ASH1L: variants seen among roughly 807,000 people sequenced by gnomAD.
ASH1L encodes the protein histone-lysine N-methyltransferase ASH1L.
In ASH1L, 23 loss-of-function variants were observed where a neutral mutation model predicts 269.0. The observed-to-expected ratio is 0.09, with a 90% CI of 0.06 to 0.12. The LOEUF is 0.12. Among genes scored for constraint, ASH1L ranks in the 10% least tolerant of loss-of-function variants. The pLI, the probability that ASH1L is intolerant of heterozygous loss-of-function variation, is 1.00. For synonymous variants in ASH1L, 1,187 were observed against 1,253.5 expected (o/e 0.95, Z 1.12); for missense variants, 2,912 against 3,567.8 (o/e 0.82, Z 4.68).
intron 1 of ASH1L, 71 bp downstream of exon 1, chr1:155,562,082 C>T (rs753141507): frequency 1.9e-5 from 20 of 1,052,350 alleles, no homozygotes; most frequent in Non-Finnish European, 2.7e-5. Flanking sequence ...ACAGTGGCTC[C>T]CAGAAAGCCC....
At chr1:155,408,631 T>C (rs1407927040) in intron 6 of ASH1L, among the ~76,000 whole-genome samples, 1 of 152,070 alleles carries the variant, frequency 6.6e-6, no homozygotes, top group African/African-American at 2.4e-5. Flanking sequence ...TCTGAAGACA[T>C]GTATAAAGGA....
At chr1:155,355,659 A>G (rs1654314080) in intron 15 of ASH1L, among the ~76,000 whole-genome samples, 1 of 152,168 alleles carries the variant, frequency 6.6e-6, no homozygotes, top group South Asian at 2.1e-4. Context: ...TCCCCATGCT[A>G]ATAGGCAGCC....
At chr1:155,345,489 G>A (rs966115555) in intron 21 of ASH1L, among the ~76,000 whole-genome samples, 5 of 151,124 alleles carry the variant, frequency 3.3e-5, no homozygotes, top group Non-Finnish European at 7.4e-5. Context: ...GGCCGAGGAT[G>A]GTCTTTATCT....
Position 155,481,056 on chromosome 1 carries a change from G to T in ASH1L, c.1814C>A (p.Thr605Asn), listed in dbSNP as rs757492151. 6.2e-7 allele frequency: 1 copy of T among 1,613,968 alleles called. No individual in the cohort carries two copies. Among genetic ancestry groups the T allele is most frequent in the African/African-American group, 1.3e-5 (1 of 74,924 alleles). The change falls in exon 3 of 28, where the codon ACT (threonine) becomes AAT (asparagine). Residue 605 changes from threonine to asparagine, a missense_variant. Coordinates refer to ENST00000392403, the MANE Select transcript of ASH1L (RefSeq NM_018489.3). ...ISESVGKNQF[T>N]SESTHLNVGH... ...AACGTTCAAGTGGGTACTTTCAGAA[G>T]TAAACTGGTTCTTTCCAACAGATTC... is the stretch of plus-strand genomic sequence containing the variant.
intron 7 of ASH1L, among the ~76,000 whole-genome samples, chr1:155,384,409 C>G (rs1657236271): frequency 6.6e-6 from 1 of 152,146 alleles, no homozygotes; most frequent in Admixed American, 6.5e-5. Context: ...GATGAGAAAT[C>G]TACTGTCATT....
Position 155,390,643 on chromosome 1 carries a change from C to A in ASH1L, c.6103+4816G>T, listed in dbSNP as rs539986547. ...AGTTAATATCATTCTCCCCCCCCCC[C>A]CTTTTTTCTTTCTTTTTTTTGAGAC... On this transcript the variant is annotated intron_variant, in intron 7 of 27. Transcript: ENST00000392403. 2.7e-4 allele frequency among the ~76,000 whole-genome samples: 37 copies of A among 135,430 alleles called. 1 individual carries two copies. The South Asian group carries it at 9.3e-3, about 34-fold the overall frequency. 88.8% of individuals were successfully genotyped at this position (135,430 alleles called of 152,430 possible).
intron 6 of ASH1L, among the ~76,000 whole-genome samples, chr1:155,412,231 G>A (rs143690233): frequency 0.01 from 1,498 of 146,766 alleles, 27 homozygotes; most frequent in African/African-American, 0.036. Flanking sequence ...AACAGAGCAC[G>A]ACTCCGTCTC....
intron 4 of ASH1L, chr1:155,440,417 T>C (rs1662460143): frequency 5.3e-6 from 1 of 190,196 alleles, no homozygotes; most frequent in Non-Finnish European, 9.7e-6. Flanking sequence ...TATCCTTTGA[T>C]TAACTTTCAA....
intron 6 of ASH1L, among the ~76,000 whole-genome samples, chr1:155,398,051 C>T (rs1436093847): frequency 2.0e-5 from 3 of 152,048 alleles, no homozygotes; most frequent in African/African-American, 7.2e-5. Context: ...GAAAAACTGT[C>T]TTGGATTTAA....
Position 155,485,015 on chromosome 1 carries a change from T to G in ASH1L, c.421-2566A>C, listed in dbSNP as rs368795147. The stretch of plus-strand genomic sequence containing the variant: ...GGCTCATGCCTGTAATCCCAGCACT[T>G]TGTGAGGCCAAGACGGGTGGATCAC... On this transcript the variant is annotated intron_variant, in intron 2 of 27. Transcript: ENST00000392403. 9.3e-5 allele frequency among the ~76,000 whole-genome samples: 14 copies of G among 151,002 alleles called. No individual in the cohort carries two copies. In the East Asian group the frequency reaches 1.2e-3, roughly 13 times the overall value.
At chr1:155,411,920 T>C (rs774740765) in intron 6 of ASH1L, among the ~76,000 whole-genome samples, 35 of 151,750 alleles carry the variant, frequency 2.3e-4, no homozygotes, top group Non-Finnish European at 4.7e-4. Context: ...TACATGGCTG[T>C]CATTGACGCC....
In ASH1L at chr1:155,551,242, C is replaced by CAA. The variant is rs1305081970; in HGVS notation, c.-100+10910_-100+10911insTT. On this transcript the variant is annotated intron_variant, in intron 1 of 27. Coordinates refer to ENST00000392403, the MANE Select transcript of ASH1L (RefSeq NM_018489.3). ...AAGGACTAACTATCCAATGGAATGC[C>CAA]TGGATGAAACATAGGCACACAGTAT... is the stretch of plus-strand genomic sequence containing the variant. Among the ~76,000 whole-genome samples the CAA allele has an allele frequency of 4.7e-3, 718 of 152,194 alleles. 7 individuals are homozygous for CAA. Among genetic ancestry groups the CAA allele is most frequent in the African/African-American group, 0.017 (701 of 41,518 alleles).
At chr1:155,348,043 GC>G in intron 19 of ASH1L, 139 bp from the exon 20 acceptor site, 1 of 976,306 alleles carries the variant, frequency 1.0e-6, no homozygotes, top group Non-Finnish European at 1.5e-6. Context: ...CAAATATATG[GC>G]CAGATAGTTG....
intron 4 of ASH1L, among the ~76,000 whole-genome samples, chr1:155,448,107 T>C (rs1663170820): frequency 6.6e-6 from 1 of 152,232 alleles, no homozygotes; most frequent in African/African-American, 2.4e-5. Flanking sequence ...CACTATTTAT[T>C]GAAGAGACTT....
At chr1:155,391,392 T>C (rs1657916740) in intron 7 of ASH1L, among the ~76,000 whole-genome samples, 1 of 152,250 alleles carries the variant, frequency 6.6e-6, no homozygotes, top group Non-Finnish European at 1.5e-5. Flanking sequence ...TTAAAATTTT[T>C]ATGTTTCCAT....
chr1:155,422,219 C>T (rs542842444), intron 5 of ASH1L, among the ~76,000 whole-genome samples: 1 of 152,010 alleles, frequency 6.6e-6, no homozygotes, highest in East Asian at 1.9e-4. Context: ...CTCGCTGCAA[C>T]CCTACCTCCT....
At chr1:155,537,475 G>A (rs1571100115) in intron 1 of ASH1L, among the ~76,000 whole-genome samples, 1 of 152,186 alleles carries the variant, frequency 6.6e-6, no homozygotes, top group Admixed American at 6.5e-5. Flanking sequence ...GGGCAAACAG[G>A]CTTCGAAACG....
At chr1:155,390,675 T>G (rs1657849878) in intron 7 of ASH1L, among the ~76,000 whole-genome samples, 1 of 133,160 alleles carries the variant, frequency 7.5e-6, no homozygotes, top group African/African-American at 2.7e-5. Flanking sequence ...AGACGGAGTC[T>G]CGCTCTGTCA....
chr1:155,339,911 T>C (rs1376349543), intron 25 of ASH1L, among the ~76,000 whole-genome samples: 4 of 152,116 alleles, frequency 2.6e-5, no homozygotes, highest in African/African-American at 9.7e-5. Context: ...CATCACTAGA[T>C]GATAGGAAGG....
Sources: allele counts gnomAD v4.1 joint callset (sites outside exome capture counted in the v4.1 genomes callset), GRCh38; gene constraint gnomAD v4.1.1; transcripts MANE v1.5; gene names NCBI Gene and HGNC (gene_info 2026-07-23, HGNC 2026-07-21).